Variants in SLC30A8 observed in about 807,000 individuals in gnomAD.
SLC30A8 encodes the protein solute carrier family 30 member 8.
In SLC30A8, 27 loss-of-function variants were observed where a neutral mutation model predicts 36.9. That is an observed-to-expected ratio of 0.73 (90% confidence interval 0.54 to 1.01). The LOEUF (loss-of-function observed/expected upper bound fraction) is 1.01. Among genes scored for constraint, SLC30A8 ranks in the 50% least tolerant of loss-of-function variants. SLC30A8 has a pLI of 0.00. For synonymous variants in SLC30A8, 164 were observed against 172.4 expected (o/e 0.95, Z 0.38); for missense variants, 439 against 452.0 (o/e 0.97, Z 0.26).
intron 1 of SLC30A8, among the ~76,000 whole-genome samples, chr8:117,036,109 T>C (rs946570860): frequency 1.5e-4 from 22 of 150,832 alleles, no homozygotes; most frequent in African/African-American, 2.9e-4. Context: ...CAGTTTGAAT[T>C]CCCCCCCCCA....
chr8:117,167,015 T>C (rs1178488053), intron 6 of SLC30A8, among the ~76,000 whole-genome samples: 1 of 152,054 alleles, frequency 6.6e-6, no homozygotes, highest in Non-Finnish European at 1.5e-5. Flanking sequence ...GAATATTTGG[T>C]TTGTCAAGCC....
chr8:116,953,559 C>T (rs943463729), intron 1 of SLC30A8, among the ~76,000 whole-genome samples: 2 of 152,122 alleles, frequency 1.3e-5, no homozygotes, highest in East Asian at 3.9e-4. Flanking sequence ...TTCCACAGCT[C>T]TGTAAAAACA....
chr8:117,012,847 T>C (rs2130707936), intron 1 of SLC30A8, among the ~76,000 whole-genome samples: 1 of 151,876 alleles, frequency 6.6e-6, no homozygotes, highest in East Asian at 2.0e-4. Context: ...CCAATCATAA[T>C]GCTTTTGCAC....
chr8:116,993,944 G>A (rs981659365), intron 1 of SLC30A8, among the ~76,000 whole-genome samples: 1 of 151,450 alleles, frequency 6.6e-6, no homozygotes, highest in Non-Finnish European at 1.5e-5. Flanking sequence ...AATGCAACTT[G>A]ATATAACTGA....
At chr8:117,008,197 T>A (rs1194200983) in intron 1 of SLC30A8, among the ~76,000 whole-genome samples, 1 of 152,182 alleles carries the variant, frequency 6.6e-6, no homozygotes. Flanking sequence ...TTAGTATAAA[T>A]TTTTTTGAGC....
intron 1 of SLC30A8, among the ~76,000 whole-genome samples, chr8:117,010,817 G>A (rs1425326929): frequency 6.6e-6 from 1 of 152,174 alleles, no homozygotes; most frequent in Non-Finnish European, 1.5e-5. Flanking sequence ...CACAGCAAGA[G>A]CAAAAGAGAG....
At position 117,163,547 on chromosome 8, in the gene SLC30A8, T is replaced by A; in HGVS notation, c.829+17T>A. ...TCATGGAAGGTAGGAGTGATTTTAT[T>A]ATTACTCCCAGAGTCAGTGTTTTCT... is the stretch of plus-strand genomic sequence containing the variant. On this transcript the variant is annotated intron_variant, in intron 6 of 7. Coordinates refer to ENST00000456015, the MANE Select transcript of SLC30A8 (RefSeq NM_173851.3). 6.4e-7 allele frequency: 1 copy of A among 1,550,456 alleles called. No individual in the cohort carries two copies. The highest frequency in any genetic ancestry group is 8.9e-7 in the Non-Finnish European group (1 of 1,125,440).
At position 117,088,696 on chromosome 8, in the gene SLC30A8, C is replaced by T. The variant is rs1818981684; in HGVS notation, c.-225-46584C>T. On this transcript the variant is annotated intron_variant, in intron 2 of 10. Transcript: ENST00000427715. ...TTATGCTTAAGTAAACCCCGTAAAG[C>T]TTTCAACACCTTTAGGTAATACACA... 2.0e-5 allele frequency among the ~76,000 whole-genome samples: 3 copies of T among 152,312 alleles called. No individual in the cohort carries two copies. The East Asian group carries it at 5.8e-4, about 29-fold the overall frequency.
intron 1 of SLC30A8, among the ~76,000 whole-genome samples, chr8:116,997,070 G>A (rs943716040): frequency 6.6e-6 from 1 of 151,086 alleles, no homozygotes; most frequent in Non-Finnish European, 1.5e-5. Context: ...TAGTGTTTCT[G>A]TCTCTAAGGA....
At chr8:116,999,702 C>T (rs1815942742) in intron 1 of SLC30A8, among the ~76,000 whole-genome samples, 1 of 151,974 alleles carries the variant, frequency 6.6e-6, no homozygotes, top group African/African-American at 2.4e-5. Context: ...TTTCTGATAC[C>T]ATTAGTATCC....
intron 1 of SLC30A8, among the ~76,000 whole-genome samples, chr8:117,019,227 A>G (rs1816625914): frequency 6.6e-6 from 1 of 152,250 alleles, no homozygotes; most frequent in Non-Finnish European, 1.5e-5. Flanking sequence ...AAGGCCTGGC[A>G]ATAGCTGAAG....
chr8:117,127,783 G>A (rs1820968242), intron 2 of SLC30A8, among the ~76,000 whole-genome samples: 1 of 151,970 alleles, frequency 6.6e-6, no homozygotes, highest in African/African-American at 2.4e-5. Flanking sequence ...TGATGCTGAA[G>A]GTAACTGGCC....
intron 2 of SLC30A8, among the ~76,000 whole-genome samples, chr8:117,069,883 G>T (rs1392803259): frequency 6.6e-6 from 1 of 152,322 alleles, no homozygotes; most frequent in African/African-American, 2.4e-5. Flanking sequence ...CCACACACAC[G>T]CTGGAAGTAG....
chr8:117,068,705 T>C (rs1414685787), intron 2 of SLC30A8, among the ~76,000 whole-genome samples: 1 of 152,050 alleles, frequency 6.6e-6, no homozygotes, highest in Admixed American at 6.6e-5. Flanking sequence ...GCTGCCCAGG[T>C]AGTTGGGATT....
chr8:117,038,004 G>T (rs763552354), intron 1 of SLC30A8, among the ~76,000 whole-genome samples: 1 of 152,128 alleles, frequency 6.6e-6, no homozygotes, highest in Non-Finnish European at 1.5e-5. Context: ...TAGAGAACAC[G>T]CAGAGGAAAT....
At chr8:117,054,340 A>G (rs1252050103) in intron 2 of SLC30A8, among the ~76,000 whole-genome samples, 2 of 152,062 alleles carry the variant, frequency 1.3e-5, no homozygotes, top group East Asian at 3.9e-4. Flanking sequence ...GGTTCGAGCA[A>G]TCCCCTTGTC....
At chr8:117,018,714 T>A (rs2317755) in intron 1 of SLC30A8, among the ~76,000 whole-genome samples, 2 of 142,628 alleles carry the variant, frequency 1.4e-5, no homozygotes, top group South Asian at 2.3e-4. Context: ...TTGCCCAGGC[T>A]GGAGTGCAGT....
chr8:117,074,725 C>T (rs2130803696), intron 2 of SLC30A8, among the ~76,000 whole-genome samples: 1 of 152,304 alleles, frequency 6.6e-6, no homozygotes, highest in East Asian at 1.9e-4. Context: ...TTCTACTGTA[C>T]CATGGTTAAT....
At chr8:117,129,689 G>T (rs1821052486) in intron 2 of SLC30A8, among the ~76,000 whole-genome samples, 1 of 151,950 alleles carries the variant, frequency 6.6e-6, no homozygotes, top group Non-Finnish European at 1.5e-5. Context: ...AGTTTAATAT[G>T]AAAGTTTAAA....
Sources: allele counts gnomAD v4.1 joint callset (sites outside exome capture counted in the v4.1 genomes callset), GRCh38; gene constraint gnomAD v4.1.1; transcripts MANE v1.5; gene names NCBI Gene and HGNC (gene_info 2026-07-23, HGNC 2026-07-21).